Variants in ULK4 observed in about 807,000 individuals in gnomAD.
The protein encoded by ULK4 is unc-51 like kinase 4.
In ULK4, 133 loss-of-function variants were observed where a neutral mutation model predicts 160.6. The observed-to-expected ratio is 0.83, with a 90% CI of 0.72 to 0.96. The LOEUF (loss-of-function observed/expected upper bound fraction) is 0.96. Ranked by LOEUF, ULK4 falls within the 40% of genes least tolerant of loss-of-function variation. The pLI is 0.00. For missense variants in ULK4, 1,580 were observed against 1,499.5 expected (o/e 1.05, Z -0.89); for synonymous variants, 534 against 539.8 (o/e 0.99, Z 0.15).
intron 35 of ULK4, among the ~76,000 whole-genome samples, chr3:41,305,868 C>T (rs1300877276): frequency 2.3e-4 from 33 of 145,090 alleles, no homozygotes; most frequent in African/African-American, 8.7e-4. Context: ...GCCTCTGCCC[C>T]CCCGCCCCGT....
At chr3:41,563,945 G>A (rs151035633) in intron 32 of ULK4, among the ~76,000 whole-genome samples, 1 of 152,208 alleles carries the variant, frequency 6.6e-6, no homozygotes, top group East Asian at 1.9e-4. Context: ...AAGGTGCTAT[G>A]GTTTTTAGAA....
intron 30 of ULK4, among the ~76,000 whole-genome samples, chr3:41,656,943 A>G (rs957503117): frequency 1.3e-5 from 2 of 152,210 alleles, no homozygotes; most frequent in Non-Finnish European, 2.9e-5. Context: ...AATGGAAACA[A>G]GATACTGGAG....
chr3:41,413,388 C>T (rs2082451895), intron 34 of ULK4, among the ~76,000 whole-genome samples: 1 of 152,004 alleles, frequency 6.6e-6, no homozygotes, highest in South Asian at 2.1e-4. Context: ...ATATTTTTAC[C>T]TTGGATTGGG....
chr3:41,681,909 A>G, intron 27 of ULK4, 105 bp from the exon 28 acceptor site: 1 of 1,204,592 alleles, frequency 8.3e-7, no homozygotes, highest in Non-Finnish European at 1.2e-6. Flanking sequence ...CAAAGGAGTG[A>G]AAAAAAGCAA....
intron 19 of ULK4, among the ~76,000 whole-genome samples, chr3:41,803,286 G>A (rs1447337707): frequency 6.6e-6 from 1 of 151,848 alleles, no homozygotes; most frequent in Non-Finnish European, 1.5e-5. Context: ...CTCAACAAAG[G>A]TAAAAGACAC....
At position 41,484,658 on chromosome 3, in the gene ULK4, T is replaced by A. The variant is rs909587163; in HGVS notation, c.3227-21405A>T. Reference sequence around the variant, plus strand: ...TAGTAGAGACGGGGTTTCACCGTGTTAGCCAGGATGGTCTTGATCTCCTGA... The same window carrying A: ...TAGTAGAGACGGGGTTTCACCGTGTAAGCCAGGATGGTCTTGATCTCCTGA... On this transcript the variant is annotated intron_variant, in intron 32 of 36. Coordinates refer to ENST00000301831, the MANE Select transcript of ULK4 (RefSeq NM_017886.4). 2.0e-5 allele frequency among the ~76,000 whole-genome samples: 3 copies of A among 152,092 alleles called. No homozygotes were observed. In the South Asian group the frequency reaches 6.2e-4, roughly 32 times the overall value.
chr3:41,829,173 G>C (rs1347623449), intron 18 of ULK4, among the ~76,000 whole-genome samples: 30 of 150,204 alleles, frequency 2.0e-4, no homozygotes, highest in African/African-American at 6.9e-4. Flanking sequence ...TTAAATGTTA[G>C]ACCTAAAACC....
chr3:41,290,588 C>T (rs903984937), intron 35 of ULK4, among the ~76,000 whole-genome samples: 3 of 149,622 alleles, frequency 2.0e-5, no homozygotes, highest in African/African-American at 7.6e-5. Context: ...TGGGTTTCCA[C>T]TGGGAGGGGG....
intron 35 of ULK4, among the ~76,000 whole-genome samples, chr3:41,380,347 T>C (rs1354219448): frequency 1.3e-5 from 2 of 152,184 alleles, no homozygotes; most frequent in Non-Finnish European, 2.9e-5. Context: ...AACGTGCCAT[T>C]GTGCAATTTT....
intron 18 of ULK4, among the ~76,000 whole-genome samples, chr3:41,825,412 G>GA (rs936289465): frequency 3.6e-5 from 5 of 139,548 alleles, no homozygotes; most frequent in South Asian, 2.1e-4. Context: ...TAAAAACCTT[G>GA]AAAAAAAATT....
In ULK4 at chr3:41,311,109, G is replaced by A. The variant is rs187227556; in HGVS notation, c.3679-61535C>T. ...TATGTGACAACTTGGCTGACCCATA[G>A]TACTCAGGTATTTTGCCAAACGTTA... On this transcript the variant is annotated intron_variant, in intron 35 of 36. Coordinates refer to ENST00000301831, the MANE Select transcript of ULK4 (RefSeq NM_017886.4). Among the ~76,000 whole-genome samples, 39 of 152,280 alleles carry A rather than the reference G, an allele frequency of 2.6e-4. No homozygotes were observed. The East Asian group carries it at 7.5e-3, about 29-fold the overall frequency.
At chr3:41,542,338 G>C (rs530532000) in intron 32 of ULK4, among the ~76,000 whole-genome samples, 1 of 152,098 alleles carries the variant, frequency 6.6e-6, no homozygotes, top group Non-Finnish European at 1.5e-5. Flanking sequence ...TTATTGATTT[G>C]TGTATGTTGA....
intron 35 of ULK4, among the ~76,000 whole-genome samples, chr3:41,289,617 G>A (rs116607315): frequency 3.3e-5 from 5 of 152,108 alleles, no homozygotes; most frequent in African/African-American, 1.2e-4. Context: ...ACAGAACCCT[G>A]GGTTGAAGGT....
intron 32 of ULK4, among the ~76,000 whole-genome samples, chr3:41,497,270 C>G (rs1304387178): frequency 6.6e-6 from 1 of 151,656 alleles, no homozygotes; most frequent in Non-Finnish European, 1.5e-5. Flanking sequence ...CTAGAAATGG[C>G]AGGAAAAAAA....
chr3:41,920,743 G>C (rs1156617704), intron 5 of ULK4, among the ~76,000 whole-genome samples: 6 of 152,138 alleles, frequency 3.9e-5, no homozygotes, highest in African/African-American at 1.4e-4. Flanking sequence ...CCTATCTCCA[G>C]AGCCCATTAC....
At chr3:41,334,226 A>G (rs1203310397) in intron 35 of ULK4, among the ~76,000 whole-genome samples, 1 of 152,164 alleles carries the variant, frequency 6.6e-6, no homozygotes, top group Non-Finnish European at 1.5e-5. Context: ...GCAAGGGCTT[A>G]ACCTATAGAA....
chr3:41,410,375 T>C (rs1271581250), intron 34 of ULK4, among the ~76,000 whole-genome samples: 3 of 152,160 alleles, frequency 2.0e-5, no homozygotes, highest in East Asian at 1.9e-4. Flanking sequence ...ATCCGTGCTA[T>C]AAACATGAAA....
At chr3:41,765,619 A>G (rs1036273510) in intron 21 of ULK4, among the ~76,000 whole-genome samples, 2 of 152,172 alleles carry the variant, frequency 1.3e-5, no homozygotes, top group Non-Finnish European at 2.9e-5. Flanking sequence ...AAAGAAAAGT[A>G]TATTTAAGAC....
chr3:41,708,774 A>G (rs1337445302), intron 25 of ULK4, among the ~76,000 whole-genome samples: 3 of 152,226 alleles, frequency 2.0e-5, no homozygotes, highest in African/African-American at 7.2e-5. Context: ...GTGAAGTAAC[A>G]GATATGTTTA....
Sources: gnomAD v4.1 joint callset for allele counts (sites outside exome capture counted in the v4.1 genomes callset) on GRCh38, gnomAD v4.1.1 for gene constraint, MANE v1.5 for transcripts, NCBI Gene and HGNC (gene_info 2026-07-23, HGNC 2026-07-21) for gene names.